TP63: variants seen among roughly 807,000 people sequenced by gnomAD.
TP63 encodes tumor protein p63, also known as tumor protein 63.
In TP63, 17 loss-of-function variants were observed where a neutral mutation model predicts 82.8. The observed-to-expected ratio is 0.21, with a 90% CI of 0.14 to 0.31. The LOEUF (loss-of-function observed/expected upper bound fraction) is 0.31. Among genes scored for constraint, TP63 ranks in the 10% least tolerant of loss-of-function variants. TP63 has a pLI of 1.00. For synonymous variants in TP63, 330 were observed against 321.7 expected, an observed-to-expected ratio of 1.03 and a Z score of -0.28; for missense variants, 648 against 895.3, an observed-to-expected ratio of 0.72 and a Z score of 3.52.
rs2108637182 is a variant in TP63, at chr3:189,808,303, G to A, written c.356G>A (p.Ser119Asn). 1 of 1,614,152 alleles carries A rather than the reference G, an allele frequency of 6.2e-7. No individual in the cohort carries two copies. The highest frequency in any genetic ancestry group is 1.3e-5 in the African/African-American group (1 of 75,030). ...TACACGAACCTGGGGCTCCTGAACA[G>A]CATGGACCAGCAGATTCAGAACGGC... ...PQYTNLGLLNSMDQQIQNGSS... is the reference protein window; with the variant it reads ...PQYTNLGLLNNMDQQIQNGSS... The change falls in exon 4 of 14, where the codon AGC becomes AAC. Residue 119 changes from serine (S) to asparagine (N), a missense_variant. Ser to Asn is a conservative substitution (Grantham distance 46). Transcript: ENST00000264731.
At chr3:189,788,743 G>A (rs1027886570) in intron 3 of TP63, among the ~76,000 whole-genome samples, 6 of 151,978 alleles carry the variant, frequency 3.9e-5, no homozygotes, top group East Asian at 1.9e-4. Context: ...ATGTTGGTAC[G>A]TATTTATGTA....
chr3:189,690,286 C>T (rs991255316), intron 1 of TP63, among the ~76,000 whole-genome samples: 3 of 152,282 alleles, frequency 2.0e-5, no homozygotes, highest in African/African-American at 7.2e-5. Context: ...CTGCACATCT[C>T]CATCTCTTCT....
intron 4 of TP63, among the ~76,000 whole-genome samples, chr3:189,848,239 T>TCCTTCTCTCTCTCTCTCTCTC (rs372147574): frequency 2.1e-5 from 2 of 95,984 alleles, no homozygotes; most frequent in East Asian, 2.8e-4. Flanking sequence ...CTCCTCCTCC[T>TCCTTCTCTCTCTCTCTCTCTC]TCTCTCTCTC....
At chr3:189,873,623 A>T (rs905767861) in intron 10 of TP63, 1 of 163,482 alleles carries the variant, frequency 6.1e-6, no homozygotes, top group Non-Finnish European at 1.4e-5. Context: ...ATCAAGCCAG[A>T]TTTTTCAAGT....
At position 189,895,441 on chromosome 3, in the gene TP63, A is replaced by T. The variant is rs1721398328; in HGVS notation, c.*939A>T. ...TTGCTGCCATTACAGAGGTATTAAA[A>T]CTAAATTTCACTACTAGATTGACTA... On this transcript the variant is annotated 3_prime_UTR_variant, in exon 14 of 14. Transcript: ENST00000264731. 1 of 218,002 alleles carries T rather than the reference A, an allele frequency of 4.6e-6. No individual in the cohort carries two copies. 13.5% of individuals were successfully genotyped at this position (218,002 alleles called of 1,614,324 possible). A position where few individuals can be genotyped will look rare whatever the true frequency, so the allele number is the denominator to read the frequency against.
chr3:189,725,519 A>T (rs992042416), intron 1 of TP63, among the ~76,000 whole-genome samples: 2 of 152,212 alleles, frequency 1.3e-5, no homozygotes, highest in African/African-American at 4.8e-5. Context: ...GTACATTTTA[A>T]AGACTCTGAT....
At chr3:189,693,868 G>A (rs1205969957) in intron 1 of TP63, among the ~76,000 whole-genome samples, 6 of 152,294 alleles carry the variant, frequency 3.9e-5, no homozygotes, top group African/African-American at 9.6e-5. Flanking sequence ...TCACAAGGTC[G>A]TTGTGAAGGT....
chr3:189,629,654 G>A (rs761438277), upstream of TP63, among the ~76,000 whole-genome samples: 2 of 152,092 alleles, frequency 1.3e-5, no homozygotes, highest in African/African-American at 2.4e-5. Context: ...GAAATGCAGA[G>A]TCTTAGGCCT....
At chr3:189,724,825 G>GA (rs1242940729) in intron 1 of TP63, among the ~76,000 whole-genome samples, 1 of 152,130 alleles carries the variant, frequency 6.6e-6, no homozygotes, top group Non-Finnish European at 1.5e-5. Flanking sequence ...ATGCATCCGG[G>GA]AACGGGGCAA....
At chr3:189,711,419 C>T (rs1029810502) in intron 1 of TP63, among the ~76,000 whole-genome samples, 1 of 152,100 alleles carries the variant, frequency 6.6e-6, no homozygotes, top group African/African-American at 2.4e-5. Flanking sequence ...GACAAGGCTG[C>T]TAATACATTC....
chr3:189,691,211 C>T (rs748918262), intron 1 of TP63, among the ~76,000 whole-genome samples: 8 of 151,202 alleles, frequency 5.3e-5, no homozygotes, highest in African/African-American at 1.2e-4. Context: ...TGGTGGTGCA[C>T]GCCTGTAATC....
chr3:189,846,024 T>C (rs1403717161), intron 4 of TP63, among the ~76,000 whole-genome samples: 3 of 152,022 alleles, frequency 2.0e-5, no homozygotes, highest in Non-Finnish European at 4.4e-5. Flanking sequence ...CCTCTATGCA[T>C]TGTGATACTG....
In TP63 at chr3:189,783,959, C is replaced by T. The variant is rs1724409303; in HGVS notation, c.325-24313C>T. On this transcript the variant is annotated intron_variant, in intron 3 of 13. Coordinates refer to ENST00000264731, the MANE Select transcript of TP63 (RefSeq NM_003722.5). ...TAGGAGTACTTAACAGGGGAAAATA[C>T]TCAAAATATAATGATAACTAAAAAA... Among the ~76,000 whole-genome samples, 5 of 151,706 alleles carry T rather than the reference C, an allele frequency of 3.3e-5. No individual in the cohort carries two copies. The South Asian group carries it at 1.0e-3, about 31-fold the overall frequency.
At chr3:189,759,260 G>A (rs1425443540) in intron 3 of TP63, among the ~76,000 whole-genome samples, 4 of 152,218 alleles carry the variant, frequency 2.6e-5, no homozygotes, top group African/African-American at 9.6e-5. Flanking sequence ...TGGAGGGAAA[G>A]TGAGAGTGGT....
chr3:189,733,885 C>T (rs929816698), intron 1 of TP63, among the ~76,000 whole-genome samples: 4 of 152,060 alleles, frequency 2.6e-5, no homozygotes, highest in Admixed American at 1.3e-4. Context: ...TTTAAAGATA[C>T]AGGATTATCA....
At position 189,844,389 on chromosome 3, in the gene TP63, G is replaced by A. The variant is rs141023908; in HGVS notation, c.580-19843G>A. On this transcript the variant is annotated intron_variant, in intron 4 of 13. Coordinates refer to ENST00000264731, the MANE Select transcript of TP63 (RefSeq NM_003722.5). ...CAACCTCCGCCTTCTGGATTCAAGC[G>A]ATTCTCCTTTCTCAGCCTCCCAAGT... The A allele has an allele frequency of 2.3e-4, 80 of 350,212 alleles. No homozygotes were observed. The Middle Eastern group carries it at 3.0e-3, about 13-fold the overall frequency. The allele number at this position is 350,212 out of a possible 1,614,324, so 21.7% of individuals were successfully genotyped here.
rs550404522 is a variant in TP63, at chr3:189,789,857, T to G, written c.325-18415T>G. ...AATTTAGTGAGGTAAGGATTTTAGA[T>G]TTTAGCACTCCATTTAGAGATGCTT... On this transcript the variant is annotated intron_variant, in intron 3 of 13. Transcript: ENST00000264731. The G allele has an allele frequency of 1.9e-6, 3 of 1,578,528 alleles. No individual in the cohort carries two copies. In the Admixed American group the frequency reaches 5.5e-5, roughly 29 times the overall value.
chr3:189,763,266 C>T (rs1419201819), intron 3 of TP63, among the ~76,000 whole-genome samples: 2 of 151,846 alleles, frequency 1.3e-5, no homozygotes, highest in African/African-American at 4.8e-5. Context: ...AGAGCAAGGC[C>T]CTGTCTCTAA....
chr3:189,610,320 CT>C, the TP63 span, among the ~76,000 whole-genome samples: 4,029 of 152,140 alleles, frequency 0.026, 63 homozygotes, highest in Middle Eastern at 0.058. Flanking sequence ...CTCTGCTTTC[CT>C]TATAAAACTG....
Sources: gnomAD v4.1 joint callset for allele counts (sites outside exome capture counted in the v4.1 genomes callset) on GRCh38, gnomAD v4.1.1 for gene constraint, MANE v1.5 for transcripts, NCBI Gene and HGNC (gene_info 2026-07-23, HGNC 2026-07-21) for gene names.